Variants in NDFIP2 observed in about 807,000 individuals in gnomAD.
NDFIP2 encodes the protein Nedd4 family interacting protein 2, also known as NEDD4 family-interacting protein 2.
In NDFIP2, 19 loss-of-function variants were observed where a neutral mutation model predicts 36.0. The ratio of observed to expected loss-of-function variants is 0.53; its 90% CI spans 0.37 to 0.77. NDFIP2 has a LOEUF of 0.77. Ranked by LOEUF, NDFIP2 falls within the 30% of genes least tolerant of loss-of-function variation. The probability of loss-of-function intolerance (pLI) is 0.00; values close to 1 mark genes in which losing one functional copy is unlikely to be tolerated. For synonymous variants in NDFIP2, 181 were observed against 167.7 expected (o/e 1.08, Z -0.61); for missense variants, 446 against 435.8 (o/e 1.02, Z -0.21).
At chr13:79,505,579 A>AT (rs113032258) in intron 1 of NDFIP2, among the ~76,000 whole-genome samples, 6,464 of 151,886 alleles carry the variant, frequency 0.043, 478 homozygotes, top group African/African-American at 0.15. Flanking sequence ...GTAGTGAGCT[A>AT]GATTGTGCAA....
At chr13:79,550,114 C>T (rs1875847594) in intron 6 of NDFIP2, among the ~76,000 whole-genome samples, 1 of 151,210 alleles carries the variant, frequency 6.6e-6, no homozygotes, top group Admixed American at 6.6e-5. Flanking sequence ...GTTTTTGGAT[C>T]CCCCCCACCC....
At chr13:79,528,594 T>C (rs1874890157) in intron 2 of NDFIP2, among the ~76,000 whole-genome samples, 1 of 152,232 alleles carries the variant, frequency 6.6e-6, no homozygotes, top group Admixed American at 6.5e-5. Flanking sequence ...TTCTAAGCTC[T>C]GTTCATTGTA....
chr13:79,511,816 T>A (rs1295972230), intron 1 of NDFIP2, among the ~76,000 whole-genome samples: 1 of 152,140 alleles, frequency 6.6e-6, no homozygotes, highest in African/African-American at 2.4e-5. Context: ...CCAAATCTAA[T>A]TAGAGATTGC....
At chr13:79,548,517 C>A in intron 6 of NDFIP2, 123 bp downstream of exon 6, 1 of 743,234 alleles carries the variant, frequency 1.3e-6, no homozygotes. Flanking sequence ...CATATTCAAA[C>A]ACATCATCTC....
In NDFIP2 at chr13:79,552,387, T is replaced by TA. The variant is rs1328422818; in HGVS notation, c.*3-128dup. On this transcript the variant is annotated intron_variant, in intron 7 of 7. Transcript: ENST00000218652. Reference sequence around the variant, plus strand: ...CCTTACACTTTAGAATGTATTCTGATATGTAGACTTTAATGAAGAGAATAT... The same window carrying TA: ...CCTTACACTTTAGAATGTATTCTGATAATGTAGACTTTAATGAAGAGAATAT... 5.9e-5 allele frequency: 9 copies of TA among 151,612 alleles called. No individual in the cohort carries two copies. The South Asian group carries it at 1.9e-3, about 31-fold the overall frequency. 9.4% of individuals were successfully genotyped at this position (151,612 alleles called of 1,614,324 possible).
chr13:79,504,855 C>T (rs962301921), intron 1 of NDFIP2, among the ~76,000 whole-genome samples: 1 of 152,088 alleles, frequency 6.6e-6, no homozygotes, highest in Admixed American at 6.6e-5. Context: ...TTTTCTCTTG[C>T]TCCCCATCTA....
intron 5 of NDFIP2, among the ~76,000 whole-genome samples, chr13:79,546,930 CTT>C (rs765618392): frequency 2.4e-4 from 37 of 152,086 alleles, no homozygotes; most frequent in Non-Finnish European, 5.0e-4. Context: ...TAAGCTGTAT[CTT>C]TTCAATTTCA....
chr13:79,530,447 G>A (rs941239501), intron 2 of NDFIP2, among the ~76,000 whole-genome samples: 1 of 152,136 alleles, frequency 6.6e-6, no homozygotes, highest in Non-Finnish European at 1.5e-5. Flanking sequence ...AAATAAGACA[G>A]CAATGAAGTT....
At chr13:79,504,632 A>C (rs1295251646) in intron 1 of NDFIP2, among the ~76,000 whole-genome samples, 1 of 86,822 alleles carries the variant, frequency 1.2e-5, no homozygotes, top group Admixed American at 1.3e-4. Context: ...CAGTTCTCTA[A>C]ATTTTTTTTT....
intron 1 of NDFIP2, among the ~76,000 whole-genome samples, chr13:79,508,454 T>G (rs902885607): frequency 1.3e-5 from 2 of 152,226 alleles, no homozygotes; most frequent in Non-Finnish European, 2.9e-5. Flanking sequence ...TGCTCATATT[T>G]ATTGTTATTT....
chr13:79,519,717 A>G (rs2137084572), intron 1 of NDFIP2, among the ~76,000 whole-genome samples: 1 of 152,362 alleles, frequency 6.6e-6, no homozygotes, highest in Non-Finnish European at 1.5e-5. Context: ...ACTCTCAAGG[A>G]ATTTGTTGAG....
chr13:79,484,133 A>C (rs1313860220), intron 1 of NDFIP2, among the ~76,000 whole-genome samples: 1 of 151,978 alleles, frequency 6.6e-6, no homozygotes, highest in Non-Finnish European at 1.5e-5. Context: ...TTCCTGCCTC[A>C]GCCTCCTGAG....
chr13:79,536,186 T>C (rs1443689339), intron 3 of NDFIP2, among the ~76,000 whole-genome samples: 1 of 152,232 alleles, frequency 6.6e-6, no homozygotes, highest in Non-Finnish European at 1.5e-5. Flanking sequence ...AACTATTAAT[T>C]TTATAAGATG....
intron 1 of NDFIP2, among the ~76,000 whole-genome samples, chr13:79,492,362 G>A (rs923580537): frequency 7.0e-6 from 1 of 143,740 alleles, no homozygotes; most frequent in Non-Finnish European, 1.5e-5. Flanking sequence ...ATGACTTTTT[G>A]TGTGATTTCT....
At chr13:79,493,973 C>T (rs573117626) in intron 1 of NDFIP2, among the ~76,000 whole-genome samples, 1 of 152,208 alleles carries the variant, frequency 6.6e-6, no homozygotes, top group African/African-American at 2.4e-5. Flanking sequence ...TCCTTTTCAC[C>T]CTTTATCTTG....
intron 1 of NDFIP2, among the ~76,000 whole-genome samples, chr13:79,487,716 CTT>C (rs1236956616): frequency 6.6e-6 from 1 of 152,098 alleles, no homozygotes; most frequent in Non-Finnish European, 1.5e-5. Flanking sequence ...TGCTGTCAAT[CTT>C]TTTAATTTTA....
At chr13:79,521,084 ATATT>A in intron 2 of NDFIP2, 109 bp downstream of exon 2, 1 of 867,922 alleles carries the variant, frequency 1.2e-6, no homozygotes, top group Non-Finnish European at 1.7e-6. Context: ...ATACACATGG[ATATT>A]TATATATGTA....
intron 1 of NDFIP2, among the ~76,000 whole-genome samples, chr13:79,513,930 C>G (rs73551583): frequency 0.043 from 6,504 of 152,150 alleles, 479 homozygotes; most frequent in African/African-American, 0.15. Context: ...TTAATTAAAG[C>G]AGTGTAAACA....
chr13:79,548,403 A>T lies in NDFIP2; in HGVS notation c.907+9A>T, dbSNP rs761139313. On this transcript the variant is annotated intron_variant, in intron 6 of 7. Coordinates refer to ENST00000218652, the MANE Select transcript of NDFIP2 (RefSeq NM_019080.3). ...GATATTTCTTGTACTTGGTAAGTTTATTCTTAATGCATTTAGTTTAACTTG... is the reference window on the plus strand; with the variant it reads ...GATATTTCTTGTACTTGGTAAGTTTTTTCTTAATGCATTTAGTTTAACTTG... The T allele has an allele frequency of 6.4e-7, 1 of 1,561,284 alleles. No homozygotes were observed. Among genetic ancestry groups the T allele is most frequent in the South Asian group, 1.2e-5 (1 of 86,824 alleles).
Sources: gnomAD v4.1 joint callset for allele counts (sites outside exome capture counted in the v4.1 genomes callset) on GRCh38, gnomAD v4.1.1 for gene constraint, MANE v1.5 for transcripts, NCBI Gene and HGNC (gene_info 2026-07-23, HGNC 2026-07-21) for gene names.